Variants in FAM78B observed in about 807,000 individuals in gnomAD.
FAM78B encodes the protein protein FAM78B.
A neutral mutation model predicts 20.0 loss-of-function variants in FAM78B; 10 were observed. The ratio of observed to expected loss-of-function variants is 0.50; its 90% CI spans 0.31 to 0.85. The LOEUF is 0.85. Among genes scored for constraint, FAM78B ranks in the 40% least tolerant of loss-of-function variants. The pLI, the probability that FAM78B is intolerant of heterozygous loss-of-function variation, is 0.05. For missense variants in FAM78B, 283 were observed against 345.0 expected, an observed-to-expected ratio of 0.82 and a Z score of 1.42; for synonymous variants, 135 against 132.8, an observed-to-expected ratio of 1.02 and a Z score of -0.12.
chr1:166,160,504 G>C (rs542816463), intron 1 of FAM78B, among the ~76,000 whole-genome samples: 5 of 152,350 alleles, frequency 3.3e-5, no homozygotes, highest in Admixed American at 3.3e-4. Context: ...TAAGCCCTGT[G>C]CTGAGAAACA....
At chr1:166,083,799 CTTTT>C (rs33994343) in intron 1 of FAM78B, among the ~76,000 whole-genome samples, 35,993 of 92,506 alleles carry the variant, frequency 0.39, 5,805 homozygotes, top group South Asian at 0.49. Flanking sequence ...ACGCACCCAG[CTTTT>C]TTTTTTTTTT....
At chr1:166,107,122 C>G (rs1259024975) in intron 1 of FAM78B, among the ~76,000 whole-genome samples, 2 of 151,888 alleles carry the variant, frequency 1.3e-5, no homozygotes. Context: ...CAAACCAAAA[C>G]CCAGTAGAAG....
intron 1 of FAM78B, among the ~76,000 whole-genome samples, chr1:166,141,218 T>A (rs1057483651): frequency 6.6e-6 from 1 of 152,230 alleles, no homozygotes; most frequent in African/African-American, 2.4e-5. Flanking sequence ...GCAACGTACA[T>A]AGGTCTGATC....
At chr1:166,084,617 T>G (rs1307635709) in intron 1 of FAM78B, among the ~76,000 whole-genome samples, 1 of 152,220 alleles carries the variant, frequency 6.6e-6, no homozygotes, top group African/African-American at 2.4e-5. Context: ...CACCACACTG[T>G]AAGGCTGTAA....
intron 1 of FAM78B, among the ~76,000 whole-genome samples, chr1:166,127,979 A>C (rs1003121070): frequency 6.6e-6 from 1 of 152,238 alleles, no homozygotes; most frequent in African/African-American, 2.4e-5. Flanking sequence ...GTCAGACAAG[A>C]TATTTTGCTA....
At chr1:166,105,912 T>C (rs1653758644) in intron 1 of FAM78B, among the ~76,000 whole-genome samples, 1 of 151,610 alleles carries the variant, frequency 6.6e-6, no homozygotes, top group Non-Finnish European at 1.5e-5. Context: ...CACACGTATG[T>C]TTATTGCGGC....
intron 1 of FAM78B, among the ~76,000 whole-genome samples, chr1:166,112,888 A>G (rs1375204866): frequency 6.6e-6 from 1 of 152,228 alleles, no homozygotes. Flanking sequence ...AATTTGCCAT[A>G]GTCATATCAC....
downstream of FAM78B, among the ~76,000 whole-genome samples, chr1:166,067,048 G>A (rs567421468): frequency 6.6e-6 from 1 of 152,254 alleles, no homozygotes; most frequent in Admixed American, 6.5e-5. Context: ...ATAGTAACAA[G>A]GATTTCCTCT....
intron 1 of FAM78B, among the ~76,000 whole-genome samples, chr1:166,134,364 G>GC (rs1654991950): frequency 6.6e-6 from 1 of 152,040 alleles, no homozygotes; most frequent in South Asian, 2.1e-4. Context: ...GTGCAGTGTT[G>GC]CCCCTAGTCA....
intron 1 of FAM78B, among the ~76,000 whole-genome samples, chr1:166,164,208 C>T (rs1170877251): frequency 6.6e-6 from 1 of 152,240 alleles, no homozygotes; most frequent in Non-Finnish European, 1.5e-5. Context: ...TGCTTCTGCA[C>T]AGTCACTCCT....
At chr1:166,104,907 A>G (rs1401270176) in intron 1 of FAM78B, among the ~76,000 whole-genome samples, 3 of 152,244 alleles carry the variant, frequency 2.0e-5, no homozygotes, top group African/African-American at 7.2e-5. Context: ...GTCAATCCTA[A>G]GCAAAAAGAA....
At chr1:166,114,119 C>T (rs375015721) in intron 1 of FAM78B, among the ~76,000 whole-genome samples, 4 of 152,238 alleles carry the variant, frequency 2.6e-5, no homozygotes, top group African/African-American at 7.2e-5. Flanking sequence ...CTCCTCTGTG[C>T]ACACTCTATG....
chr1:166,118,096 T>C (rs1654326377), intron 1 of FAM78B, among the ~76,000 whole-genome samples: 1 of 152,016 alleles, frequency 6.6e-6, no homozygotes, highest in Non-Finnish European at 1.5e-5. Context: ...AAAGAAAATG[T>C]GGAATGAAGG....
intron 1 of FAM78B, among the ~76,000 whole-genome samples, chr1:166,109,296 TCAAA>T (rs1256074695): frequency 6.6e-6 from 1 of 151,858 alleles, no homozygotes; most frequent in Non-Finnish European, 1.5e-5. Flanking sequence ...TATAATGAAC[TCAAA>T]CAAATCAGTA....
intron 1 of FAM78B, among the ~76,000 whole-genome samples, chr1:166,134,485 G>A (rs1354485795): frequency 6.6e-6 from 1 of 151,824 alleles, no homozygotes; most frequent in Admixed American, 6.6e-5. Flanking sequence ...TGAAGAAGTG[G>A]CCATTTGAAA....
intron 1 of FAM78B, among the ~76,000 whole-genome samples, chr1:166,109,982 G>C (rs766225063): frequency 2.8e-5 from 4 of 144,072 alleles, no homozygotes; most frequent in Non-Finnish European, 6.1e-5. Context: ...ACCTGGATGA[G>C]ACTGGAGACT....
At chr1:166,101,078 A>G (rs1421534808) in intron 1 of FAM78B, among the ~76,000 whole-genome samples, 3 of 152,234 alleles carry the variant, frequency 2.0e-5, no homozygotes, top group African/African-American at 4.8e-5. Flanking sequence ...ACCCAGGCAA[A>G]CAGGGTCTGG....
At chr1:166,152,915 A>G (rs1028463783) in intron 1 of FAM78B, among the ~76,000 whole-genome samples, 4 of 152,044 alleles carry the variant, frequency 2.6e-5, no homozygotes, top group African/African-American at 9.7e-5. Flanking sequence ...TGACCTCATG[A>G]TCTGCCTGCC....
At chr1:166,079,445 C>T (rs757243035) in intron 1 of FAM78B, among the ~76,000 whole-genome samples, 2 of 152,228 alleles carry the variant, frequency 1.3e-5, no homozygotes, top group African/African-American at 2.4e-5. Context: ...GGGCAGTCCA[C>T]TCCACTGTGT....
Sources: allele counts gnomAD v4.1 joint callset (sites outside exome capture counted in the v4.1 genomes callset), GRCh38; gene constraint gnomAD v4.1.1; transcripts MANE v1.5; gene names NCBI Gene and HGNC (gene_info 2026-07-23, HGNC 2026-07-21).